GABRG3: variants seen among roughly 807,000 people sequenced by gnomAD.
GABRG3 encodes gamma-aminobutyric acid receptor subunit gamma-3.
GABRG3 carries 25 observed loss-of-function variants against 48.8 expected under a neutral mutation model. The ratio of observed to expected loss-of-function variants is 0.51; its 90% confidence interval spans 0.37 to 0.72. GABRG3 has a LOEUF of 0.72. Ranked by LOEUF, GABRG3 falls within the 30% of genes least tolerant of loss-of-function variation. The pLI is 0.00. For missense variants in GABRG3, 394 were observed against 577.9 expected, an observed-to-expected ratio of 0.68 and a Z score of 3.26; for synonymous variants, 227 against 217.6, an observed-to-expected ratio of 1.04 and a Z score of -0.38.
At chr15:27,441,621 C>A (rs1483502467) in intron 5 of GABRG3, among the ~76,000 whole-genome samples, 1 of 152,148 alleles carries the variant, frequency 6.6e-6, no homozygotes, top group Non-Finnish European at 1.5e-5. Flanking sequence ...AAAACCTGAT[C>A]TGGAAAATCT....
Position 27,267,721 on chromosome 15 carries a change from GT to G in GABRG3, c.271-59080del, listed in dbSNP as rs1283376758. On this transcript the variant is annotated intron_variant, in intron 3 of 9. Transcript: ENST00000615808. The stretch of plus-strand genomic sequence containing the variant: ...CTCTTCTATTTCTAGTTTACTGAGA[GT>G]TTTTTTTAACACAAAAATAGATGAA... Among the ~76,000 whole-genome samples the G allele has an allele frequency of 7.2e-5, 11 of 151,992 alleles. No homozygotes were observed. The East Asian group carries it at 1.5e-3, about 21-fold the overall frequency.
At chr15:27,025,765 A>G (rs545891713) in intron 2 of GABRG3, among the ~76,000 whole-genome samples, 19 of 152,368 alleles carry the variant, frequency 1.2e-4, no homozygotes, top group African/African-American at 4.6e-4. Flanking sequence ...GCACATTCAC[A>G]TAATTGCATA....
intron 3 of GABRG3, among the ~76,000 whole-genome samples, chr15:27,052,082 G>A (rs764778930): frequency 2.6e-5 from 4 of 152,216 alleles, no homozygotes; most frequent in Non-Finnish European, 4.4e-5. Context: ...ACCTCCTGCT[G>A]TGTGGCCCAG....
At chr15:27,480,570 A>T in intron 5 of GABRG3, 80 bp from the exon 6 acceptor site, 1 of 1,289,772 alleles carries the variant, frequency 7.8e-7, no homozygotes, top group South Asian at 1.4e-5. Context: ...CCTGTAATTC[A>T]TTGATCAGAA....
In GABRG3 at chr15:27,301,841, TA is replaced by T. The variant is rs1892218918; in HGVS notation, c.271-24967del. Among the ~76,000 whole-genome samples the T allele has an allele frequency of 2.6e-5, 4 of 152,188 alleles. No individual in the cohort carries two copies. The South Asian group carries it at 8.3e-4, about 32-fold the overall frequency. On this transcript the variant is annotated intron_variant, in intron 3 of 9. Coordinates refer to ENST00000615808, the MANE Select transcript of GABRG3 (RefSeq NM_033223.5). ...TCAGATAAAAATGACACATAACCTA[TA>T]GTGGAACAGTGATTCAATAATGGTG... is the stretch of plus-strand genomic sequence containing the variant.
At chr15:27,404,791 A>G (rs1887582846) in intron 5 of GABRG3, among the ~76,000 whole-genome samples, 2 of 152,190 alleles carry the variant, frequency 1.3e-5, no homozygotes, top group African/African-American at 2.4e-5. Context: ...AGCCCTGTGC[A>G]TAAGTGTCCT....
chr15:27,105,638 A>G (rs1315685038), intron 3 of GABRG3, among the ~76,000 whole-genome samples: 1 of 152,188 alleles, frequency 6.6e-6, no homozygotes, highest in Admixed American at 6.5e-5. Context: ...AAAAGACAAC[A>G]AAAGACAACA....
chr15:27,108,314 T>C (rs1384095076), intron 3 of GABRG3, among the ~76,000 whole-genome samples: 1 of 152,240 alleles, frequency 6.6e-6, no homozygotes, highest in Non-Finnish European at 1.5e-5. Flanking sequence ...TTATGGGTTA[T>C]TGCAGAGTAT....
chr15:27,442,762 T>C (rs1034209578), intron 5 of GABRG3, among the ~76,000 whole-genome samples: 2 of 152,178 alleles, frequency 1.3e-5, no homozygotes, highest in East Asian at 1.9e-4. Context: ...GAAGTTGAAA[T>C]GGTGAGGGTG....
chr15:27,002,984 A>T (rs1213990726), intron 2 of GABRG3, among the ~76,000 whole-genome samples: 1 of 150,534 alleles, frequency 6.6e-6, no homozygotes, highest in African/African-American at 2.4e-5. Context: ...ATAAAATAAA[A>T]TACAATAAAT....
At chr15:27,290,801 T>C (rs1891770766) in intron 3 of GABRG3, among the ~76,000 whole-genome samples, 1 of 152,012 alleles carries the variant, frequency 6.6e-6, no homozygotes, top group African/African-American at 2.4e-5. Flanking sequence ...ACTAAGGAAA[T>C]CTGAATAAAG....
chr15:27,501,127 A>G (rs555369458), intron 6 of GABRG3, among the ~76,000 whole-genome samples: 66 of 151,986 alleles, frequency 4.3e-4, no homozygotes, highest in African/African-American at 1.4e-3. Flanking sequence ...AATTTTTTGT[A>G]TTTTTAGTAG....
chr15:27,155,221 C>G (rs1012445411), intron 3 of GABRG3, among the ~76,000 whole-genome samples: 5 of 152,120 alleles, frequency 3.3e-5, no homozygotes, highest in Non-Finnish European at 7.4e-5. Context: ...TTTTTTAGTG[C>G]TAAGATTTTC....
chr15:27,139,162 G>C (rs1451166682), intron 3 of GABRG3, among the ~76,000 whole-genome samples: 1 of 152,140 alleles, frequency 6.6e-6, no homozygotes, highest in Admixed American at 6.5e-5. Context: ...GACTGGGGAG[G>C]CCCGGAGCAT....
chr15:27,107,389 T>TTGG (rs1350245820), intron 3 of GABRG3, among the ~76,000 whole-genome samples: 1 of 152,064 alleles, frequency 6.6e-6, no homozygotes, highest in East Asian at 1.9e-4. Context: ...AGCTATACAT[T>TTGG]TGGGAAATGA....
intron 5 of GABRG3, among the ~76,000 whole-genome samples, chr15:27,440,677 G>A (rs1888757677): frequency 1.3e-5 from 2 of 152,158 alleles, no homozygotes; most frequent in Non-Finnish European, 2.9e-5. Flanking sequence ...GATGAGGTCT[G>A]CATTTGTAAT....
At chr15:27,134,686 C>G (rs911672000) in intron 3 of GABRG3, among the ~76,000 whole-genome samples, 1 of 152,158 alleles carries the variant, frequency 6.6e-6, no homozygotes, top group Non-Finnish European at 1.5e-5. Flanking sequence ...GAAGGTGTCG[C>G]TAAAGTCACC....
At chr15:27,296,766 A>G (rs1298242968) in intron 3 of GABRG3, among the ~76,000 whole-genome samples, 2 of 152,196 alleles carry the variant, frequency 1.3e-5, no homozygotes, top group African/African-American at 4.8e-5. Flanking sequence ...AGACTTCATA[A>G]TAATAATAAA....
At chr15:27,430,993 A>AATC (rs1566837763) in intron 5 of GABRG3, among the ~76,000 whole-genome samples, 80 of 92,234 alleles carry the variant, frequency 8.7e-4, no homozygotes, top group African/African-American at 4.4e-3. Flanking sequence ...CTGTCTCAAT[A>AATC]AATAAATAAA....
Sources: allele counts gnomAD v4.1 joint callset (sites outside exome capture counted in the v4.1 genomes callset), GRCh38; gene constraint gnomAD v4.1.1; transcripts MANE v1.5; gene names NCBI Gene and HGNC (gene_info 2026-07-23, HGNC 2026-07-21).